SQSTM1: variants seen among roughly 807,000 people sequenced by gnomAD.
SQSTM1 encodes sequestosome 1.
In SQSTM1, 36 loss-of-function variants were observed where a neutral mutation model predicts 45.1. The observed-to-expected ratio is 0.80, with a 90% CI of 0.61 to 1.05. The LOEUF is 1.05. Among genes scored for constraint, SQSTM1 ranks in the 50% least tolerant of loss-of-function variants. The pLI, the probability that SQSTM1 is intolerant of heterozygous loss-of-function variation, is 0.00. For synonymous variants in SQSTM1, 290 were observed against 244.3 expected, an observed-to-expected ratio of 1.19 and a Z score of -1.74; for missense variants, 617 against 607.1, an observed-to-expected ratio of 1.02 and a Z score of -0.17.
At chr5:179,827,427 GGC>G (rs1165142513) in intron 5 of SQSTM1, among the ~76,000 whole-genome samples, 1 of 152,154 alleles carries the variant, frequency 6.6e-6, no homozygotes, top group Non-Finnish European at 1.5e-5. Context: ...TGGGACCACA[GGC>G]GCCCACCACC....
chr5:179,810,783 T>A (rs1757371629), intron 1 of SQSTM1, among the ~76,000 whole-genome samples: 1 of 152,194 alleles, frequency 6.6e-6, no homozygotes, highest in African/African-American at 2.4e-5. Context: ...ACCTGTTGTT[T>A]CCTGGGTTTT....
intron 7 of SQSTM1, among the ~76,000 whole-genome samples, chr5:179,834,527 G>C (rs1374375241): frequency 7.7e-4 from 116 of 151,406 alleles, no homozygotes; most frequent in Non-Finnish European, 1.2e-3. Flanking sequence ...AGTGAACAAA[G>C]GTCTCTGGTT....
chr5:179,817,686 G>A (rs558058534), upstream of SQSTM1, among the ~76,000 whole-genome samples: 2 of 152,278 alleles, frequency 1.3e-5, no homozygotes, highest in Admixed American at 1.3e-4. Context: ...CCTCTTGCCT[G>A]GGCTTTGGGC....
At chr5:179,809,689 G>A (rs1283058933) in intron 1 of SQSTM1, among the ~76,000 whole-genome samples, 1 of 141,118 alleles carries the variant, frequency 7.1e-6, no homozygotes, top group African/African-American at 2.7e-5. Context: ...CCTGGCCCAG[G>A]CTGGAGTGCA....
chr5:179,822,194 A>G (rs910426173), intron 1 of SQSTM1, among the ~76,000 whole-genome samples: 86 of 152,326 alleles, frequency 5.6e-4, no homozygotes, highest in African/African-American at 1.9e-3. Context: ...GAATCAGACA[A>G]TGTAGTCTTG....
intron 7 of SQSTM1, chr5:179,835,058 C>G (rs568091041): frequency 1.9e-5 from 4 of 209,724 alleles, no homozygotes; most frequent in South Asian, 1.1e-4. Flanking sequence ...ACGGGGCGGC[C>G]GGGCAGAGAC....
In SQSTM1 at chr5:179,824,168, A is replaced by G. The variant is rs748661765; in HGVS notation, c.532-14A>G. On this transcript the variant is annotated splice_polypyrimidine_tract_variant and intron_variant, in intron 3 of 7. Transcript: ENST00000389805. ...CCCGCTCACTGCCTGCCGCTCTGCT[A>G]ATTCCTCCCCCAGGGCTTCTCGCAC... is the stretch of plus-strand genomic sequence containing the variant. 3.7e-6 allele frequency: 6 copies of G among 1,613,604 alleles called. No individual in the cohort carries two copies. The Admixed American group carries it at 5.0e-5, about 13-fold the overall frequency.
At chr5:179,816,646 C>G (rs1044851454), upstream of SQSTM1, among the ~76,000 whole-genome samples, 3 of 152,242 alleles carry the variant, frequency 2.0e-5, no homozygotes, top group Non-Finnish European at 4.4e-5. Flanking sequence ...CCACCTCGCT[C>G]CAGATTCCCC....
chr5:179,819,254 G>A (rs1326490946), upstream of SQSTM1, among the ~76,000 whole-genome samples: 1 of 152,190 alleles, frequency 6.6e-6, no homozygotes, highest in African/African-American at 2.4e-5. Context: ...GGCGTGCGGG[G>A]AAGGGCCAGA....
upstream of SQSTM1, among the ~76,000 whole-genome samples, chr5:179,814,429 C>T (rs1207153850): frequency 6.6e-6 from 1 of 152,172 alleles, no homozygotes; most frequent in Admixed American, 6.5e-5. Flanking sequence ...TTAGTCCCTT[C>T]TATGCCTGTG....
At chr5:179,834,407 TTTTG>T (rs770764529) in intron 7 of SQSTM1, among the ~76,000 whole-genome samples, 9,118 of 151,266 alleles carry the variant, frequency 0.06, 481 homozygotes, top group African/African-American at 0.14. Context: ...TAGTTCTTAT[TTTTG>T]TTTATTTATT....
chr5:179,833,460 AG>A, intron 6 of SQSTM1, 126 bp from the exon 7 acceptor site: 1 of 1,088,020 alleles, frequency 9.2e-7, no homozygotes, highest in Non-Finnish European at 1.4e-6. Context: ...TGTTCCCCCT[AG>A]ACCCCTGCAG....
At chr5:179,806,393 G>T, upstream of SQSTM1, 3 of 729,462 alleles carry the variant, frequency 4.1e-6, no homozygotes, top group Non-Finnish European at 3.5e-6. This position sits in a 1 kb window ranked among gnomAD's most constrained non-coding sequence, Gnocchi z 4.6. Flanking sequence ...CGCCTGCGTC[G>T]GCTTCCGGCC....
upstream of SQSTM1, among the ~76,000 whole-genome samples, chr5:179,813,878 GCAAA>G (rs1406847358): frequency 2.0e-5 from 3 of 152,230 alleles, no homozygotes; most frequent in Admixed American, 1.3e-4. Context: ...GGCACCACAG[GCAAA>G]CAGACACTGT....
At chr5:179,822,899 C>A in intron 1 of SQSTM1, 59 bp from the exon 2 acceptor site, 1 of 1,459,972 alleles carries the variant, frequency 6.8e-7, no homozygotes. Context: ...CCCATTCCAG[C>A]AGCTTATGTC....
At chr5:179,834,664 C>T (rs7378854) in intron 7 of SQSTM1, among the ~76,000 whole-genome samples, 62,582 of 150,084 alleles carry the variant, frequency 0.42, 12,852 homozygotes, top group East Asian at 0.61. Context: ...GCACATCTTG[C>T]ACCGCCCTTA....
intron 2 of SQSTM1, chr5:179,813,077 C>T (rs1289863116): frequency 6.6e-6 from 1 of 150,616 alleles, no homozygotes; most frequent in Non-Finnish European, 1.5e-5. Flanking sequence ...AAGGGTGTCC[C>T]TGGCACAGTA....
At chr5:179,833,478 C>A in intron 6 of SQSTM1, 109 bp from the exon 7 acceptor site, 1 of 1,220,664 alleles carries the variant, frequency 8.2e-7, no homozygotes, top group South Asian at 1.3e-5. Context: ...GCAGCCTTAA[C>A]TGCACGTGTG....
At chr5:179,817,169 T>C (rs559702255), upstream of SQSTM1, among the ~76,000 whole-genome samples, 572 of 152,188 alleles carry the variant, frequency 3.8e-3, 2 homozygotes, top group Non-Finnish European at 4.8e-3. Context: ...TCCAGTCTCC[T>C]CCCCACGGGC....
Sources: gnomAD v4.1 joint callset for allele counts (sites outside exome capture counted in the v4.1 genomes callset) on GRCh38, gnomAD v4.1.1 for gene constraint, Gnocchi (gnomAD v3.1) non-coding constraint, MANE v1.5 for transcripts, NCBI Gene and HGNC (gene_info 2026-07-23, HGNC 2026-07-21) for gene names.